Variants in ZFAND3 observed in about 807,000 individuals in gnomAD.
The protein encoded by ZFAND3 is zinc finger AN1-type containing 3.
ZFAND3 carries 10 observed loss-of-function variants against 29.6 expected under a neutral mutation model. The observed-to-expected ratio is 0.34, with a 90% CI of 0.21 to 0.57. The LOEUF (loss-of-function observed/expected upper bound fraction) is 0.57, where lower values mean the gene tolerates loss of function less well. Ranked by LOEUF, ZFAND3 falls within the 20% of genes least tolerant of loss-of-function variation. The pLI is 0.86. For missense variants in ZFAND3, 230 were observed against 304.5 expected, an observed-to-expected ratio of 0.76 and a Z score of 1.82; for synonymous variants, 128 against 112.6, an observed-to-expected ratio of 1.14 and a Z score of -0.87.
At chr6:38,013,728 A>T (rs1346304247) in intron 2 of ZFAND3, among the ~76,000 whole-genome samples, 1 of 121,062 alleles carries the variant, frequency 8.3e-6, no homozygotes, top group Non-Finnish European at 1.9e-5. Flanking sequence ...CTGGAGAGTT[A>T]AAAAAAAAAC....
chr6:37,886,453 C>T (rs375803669), intron 1 of ZFAND3, among the ~76,000 whole-genome samples: 8 of 152,222 alleles, frequency 5.3e-5, no homozygotes, highest in African/African-American at 1.7e-4. Context: ...TTTGTTAGAA[C>T]ACAAGCCTTG....
chr6:38,116,550 C>G (rs1168143054), intron 4 of ZFAND3, 22 bp from the exon 5 acceptor site: 1 of 1,593,604 alleles, frequency 6.3e-7, no homozygotes, highest in South Asian at 1.1e-5. Context: ...ATCCTGATCC[C>G]CAAATATGTT....
chr6:37,931,222 A>G (rs1427955156), intron 2 of ZFAND3, among the ~76,000 whole-genome samples: 1 of 152,206 alleles, frequency 6.6e-6, no homozygotes. Context: ...CACAGTTGTA[A>G]GCCCTTTTTA....
chr6:38,000,919 G>T (rs1762936890), intron 2 of ZFAND3, among the ~76,000 whole-genome samples: 1 of 152,044 alleles, frequency 6.6e-6, no homozygotes, highest in Non-Finnish European at 1.5e-5. Flanking sequence ...ACTGAGTCTT[G>T]CGCCTACCTT....
At chr6:37,967,880 T>G (rs1762320059) in intron 2 of ZFAND3, among the ~76,000 whole-genome samples, 1 of 152,198 alleles carries the variant, frequency 6.6e-6, no homozygotes, top group African/African-American at 2.4e-5. Context: ...GTAGTCACCC[T>G]TTTCTCTCCA....
intron 2 of ZFAND3, among the ~76,000 whole-genome samples, chr6:38,053,936 CA>C (rs1764082403): frequency 6.6e-6 from 1 of 151,132 alleles, no homozygotes; most frequent in African/African-American, 2.4e-5. Context: ...GGGCAGAAGA[CA>C]AGGTCTATTT....
intron 2 of ZFAND3, among the ~76,000 whole-genome samples, chr6:38,050,994 T>C (rs1333249698): frequency 1.3e-5 from 2 of 152,172 alleles, no homozygotes; most frequent in East Asian, 3.9e-4. Context: ...GGCTGAGAAC[T>C]GAGTAGAAAT....
chr6:37,960,076 A>G lies in ZFAND3; in HGVS notation c.112+30077A>G, dbSNP rs190882546. The stretch of plus-strand genomic sequence containing the variant: ...CAGTATTTCAAGCAAGACCACTGAA[A>G]TGTGTTCTGAAATCTTCAAGATACC... On this transcript the variant is annotated intron_variant, in intron 2 of 5. Coordinates refer to ENST00000287218, the MANE Select transcript of ZFAND3 (RefSeq NM_021943.3). Among the ~76,000 whole-genome samples, 39 of 152,306 alleles carry G rather than the reference A, an allele frequency of 2.6e-4. No individual in the cohort carries two copies. In the East Asian group the frequency reaches 4.8e-3, roughly 19 times the overall value.
chr6:38,109,520 G>A (rs574185014), intron 4 of ZFAND3, among the ~76,000 whole-genome samples: 3 of 152,002 alleles, frequency 2.0e-5, no homozygotes, highest in African/African-American at 4.8e-5. Flanking sequence ...ATTTGATGGA[G>A]AGCTGTTCCC....
At chr6:37,854,717 CTCTT>C (rs1407668836) in intron 1 of ZFAND3, among the ~76,000 whole-genome samples, 11 of 150,852 alleles carry the variant, frequency 7.3e-5, no homozygotes, top group Non-Finnish European at 1.6e-4. Flanking sequence ...CTAGAACTCT[CTCTT>C]AACTGTATTA....
chr6:37,830,369 C>A (rs921229320), intron 1 of ZFAND3, among the ~76,000 whole-genome samples: 3 of 152,186 alleles, frequency 2.0e-5, no homozygotes, highest in Non-Finnish European at 4.4e-5. Context: ...GTGGTCTCAT[C>A]TGTAAGGCTA....
intron 5 of ZFAND3, among the ~76,000 whole-genome samples, chr6:38,118,164 G>A (rs1476278133): frequency 1.3e-5 from 2 of 152,194 alleles, no homozygotes; most frequent in Non-Finnish European, 2.9e-5. Context: ...GTTCATGCAC[G>A]CAGTATGGCC....
At chr6:37,924,077 A>G (rs1761436471) in intron 1 of ZFAND3, among the ~76,000 whole-genome samples, 1 of 152,082 alleles carries the variant, frequency 6.6e-6, no homozygotes, top group East Asian at 1.9e-4. Flanking sequence ...ATTTAAGCAG[A>G]TTTCTCACTC....
chr6:38,124,623 G>A (rs114022277), intron 5 of ZFAND3, among the ~76,000 whole-genome samples: 6,110 of 152,280 alleles, frequency 0.04, 189 homozygotes, highest in African/African-American at 0.091. Context: ...TGTGGGGCCC[G>A]CCAAGCCCAT....
chr6:37,902,513 CA>C lies in ZFAND3; in HGVS notation c.72-27443del, dbSNP rs1300172485. Among the ~76,000 whole-genome samples, 8 of 151,784 alleles carry C rather than the reference CA, an allele frequency of 5.3e-5. No homozygotes were observed. In the East Asian group the frequency reaches 1.5e-3, roughly 29 times the overall value. On this transcript the variant is annotated intron_variant, in intron 1 of 5. Transcript: ENST00000287218. ...TCAAAACACCACCACCACCACCAAACAAACAAAACAAATATAACGTTAGTAA... is the reference window on the plus strand; with the variant it reads ...TCAAAACACCACCACCACCACCAAACAACAAAACAAATATAACGTTAGTAA...
chr6:38,056,192 A>C (rs1189829803), intron 2 of ZFAND3, among the ~76,000 whole-genome samples: 7 of 152,324 alleles, frequency 4.6e-5, no homozygotes, highest in Middle Eastern at 3.4e-3. Flanking sequence ...GTGTAACACT[A>C]GTGGATTGGT....
chr6:37,926,705 C>A (rs922797119), intron 1 of ZFAND3, among the ~76,000 whole-genome samples: 2 of 152,104 alleles, frequency 1.3e-5, no homozygotes, highest in African/African-American at 4.8e-5. Context: ...AACGTGGTAC[C>A]CATTGGAGAG....
intron 1 of ZFAND3, among the ~76,000 whole-genome samples, chr6:37,862,747 G>A (rs1298140541): frequency 6.6e-6 from 1 of 151,634 alleles, no homozygotes; most frequent in Non-Finnish European, 1.5e-5. Context: ...AGTGCCCTGG[G>A]CCTTCAGATG....
chr6:38,023,423 AATG>A (rs1481665852), intron 2 of ZFAND3, among the ~76,000 whole-genome samples: 2 of 152,248 alleles, frequency 1.3e-5, no homozygotes, highest in East Asian at 1.9e-4. Context: ...GAGATCAAAA[AATG>A]ATAAGTATAT....
Sources: allele counts gnomAD v4.1 joint callset (sites outside exome capture counted in the v4.1 genomes callset), GRCh38; gene constraint gnomAD v4.1.1; transcripts MANE v1.5; gene names NCBI Gene and HGNC (gene_info 2026-07-23, HGNC 2026-07-21).